Variants in MVD observed in about 807,000 individuals in gnomAD.
The protein encoded by MVD is diphosphomevalonate decarboxylase.
A neutral mutation model predicts 42.4 loss-of-function variants in MVD; 52 were observed. The observed-to-expected ratio is 1.23, with a 90% CI of 0.98 to 1.55. The LOEUF (loss-of-function observed/expected upper bound fraction) is 1.55, where lower values mean the gene tolerates loss of function less well. MVD is among the 40% of genes most tolerant of loss of function. The probability of loss-of-function intolerance (pLI) is 0.00; values close to 1 mark genes in which losing one functional copy is unlikely to be tolerated. For missense variants in MVD, 663 were observed against 572.1 expected (o/e 1.16, Z -1.62); for synonymous variants, 287 against 243.2 (o/e 1.18, Z -1.68).
chr16:88,662,970 C>G (rs1388561629), intron 1 of MVD, 41 bp downstream of exon 1: 1 of 1,576,226 alleles, frequency 6.3e-7, no homozygotes. Flanking sequence ...CCCGGCCTCG[C>G]TCCCGGCCAT....
Position 88,652,509 on chromosome 16 carries a change from G to A in MVD, c.*16C>T. ...CCACCCCTTCTCCAAGCGGCATGCG[G>A]TCCCTGCTGAGGCAGTCAGGCAGCT... On this transcript the variant is annotated 3_prime_UTR_variant, in exon 10 of 10. Transcript: ENST00000301012. 1 of 1,560,314 alleles carries A rather than the reference G, an allele frequency of 6.4e-7. No individual in the cohort carries two copies. Among genetic ancestry groups the A allele is most frequent in the Non-Finnish European group, 8.7e-7 (1 of 1,152,162 alleles).
intron 1 of MVD, among the ~76,000 whole-genome samples, chr16:88,660,200 G>A (rs541365570): frequency 4.6e-5 from 7 of 152,224 alleles, no homozygotes; most frequent in African/African-American, 9.6e-5. Context: ...ATGGGACAGC[G>A]TTGGTGGGGA....
At chr16:88,658,767 C>CCCCCCCCCATT in intron 1 of MVD, 47 bp from the exon 2 acceptor site, 1 of 1,491,542 alleles carries the variant, frequency 6.7e-7, no homozygotes. Flanking sequence ...CCGGCCCACC[C>CCCCCCCCCATT]TCCCCCAGTG....
chr16:88,656,969 C>T (rs945020414), intron 4 of MVD: 18 of 344,782 alleles, frequency 5.2e-5, no homozygotes, highest in African/African-American at 1.7e-4. Context: ...CTGGGTCCAG[C>T]GGGGCCTGCA....
At chr16:88,657,812 C>T (rs1010938859) in intron 3 of MVD, 103 bp downstream of exon 3, 2 of 1,352,520 alleles carry the variant, frequency 1.5e-6, no homozygotes, top group African/African-American at 2.9e-5. Flanking sequence ...TCCCAGCCAC[C>T]CCGCCTGCTG....
Position 88,652,122 on chromosome 16 carries a change from C to T in MVD, c.*403G>A, listed in dbSNP as rs570587267. On this transcript the variant is annotated 3_prime_UTR_variant, in exon 10 of 10. Transcript: ENST00000301012. ...GAGGCACTTGGTGGTTTCCTGAGGC[C>T]CAAGGAGGCTGCTCCCAGCACGGTG... 4 of 272,386 alleles carry T rather than the reference C, an allele frequency of 1.5e-5. No homozygotes were observed. Among genetic ancestry groups the T allele is most frequent in the African/African-American group, 9.2e-5 (4 of 43,492 alleles). The allele number at this position is 272,386 out of a possible 1,614,324, so 16.9% of individuals were successfully genotyped here.
Position 88,652,622 on chromosome 16 carries a change from A to G in MVD, c.1123-17T>C. The G allele has an allele frequency of 6.5e-7, 1 of 1,549,422 alleles. No homozygotes were observed. Among genetic ancestry groups the G allele is most frequent in the Non-Finnish European group, 8.7e-7 (1 of 1,145,438 alleles). ...TGGCCCCACCTGGGGATAGAAATCCATGTCAGGTCACCAGGAATGGCAGCG... is the reference window on the plus strand; with the variant it reads ...TGGCCCCACCTGGGGATAGAAATCCGTGTCAGGTCACCAGGAATGGCAGCG... On this transcript the variant is annotated splice_polypyrimidine_tract_variant and intron_variant, in intron 9 of 9. Transcript: ENST00000301012.
intron 1 of MVD, 55 bp from the exon 2 acceptor site, chr16:88,658,775 G>T (rs1225290086): frequency 9.6e-7 from 1 of 1,040,208 alleles, no homozygotes; most frequent in Non-Finnish European, 1.2e-6. Context: ...CCCTCCCCCA[G>T]TGTTCCCCAC....
Position 88,653,326 on chromosome 16 carries a change from C to T in MVD, c.1096G>A (p.Gly366Arg). ...TGAGTGACAATGATGTATTTGACCC[C>T]ACCGGGGGTCGGCTCCATGGCCAGC... Reference protein sequence around the residue: ...AALAMEPTPGGVKYIIVTQVG... With the variant: ...AALAMEPTPGRVKYIIVTQVG... Residue 366 changes from glycine (G) to arginine (R), a missense_variant, in exon 9 of 10, where the codon GGG becomes AGG. Transcript: ENST00000301012. 1 of 1,600,792 alleles carries T rather than the reference C, an allele frequency of 6.2e-7. No homozygotes were observed. Among genetic ancestry groups the T allele is most frequent in the Non-Finnish European group, 8.5e-7 (1 of 1,176,504 alleles).
In MVD at chr16:88,653,329, C is replaced by CGG. The variant is rs1567613051; in HGVS notation, c.1091_1092dup (p.Gly365ProfsTer122). On this transcript the variant is annotated frameshift_variant, in exon 9 of 10. Coordinates refer to ENST00000301012, the MANE Select transcript of MVD (RefSeq NM_002461.3). ...GTGACAATGATGTATTTGACCCCAC[C>CGG]GGGGGTCGGCTCCATGGCCAGCGCA... 1.4e-5 allele frequency: 23 copies of CGG among 1,600,646 alleles called. No individual in the cohort carries two copies. Among genetic ancestry groups the CGG allele is most frequent in the Non-Finnish European group, 2.0e-5 (23 of 1,176,528 alleles).
At chr16:88,658,838 A>C in intron 1 of MVD, 118 bp from the exon 2 acceptor site, 4 of 699,922 alleles carry the variant, frequency 5.7e-6, no homozygotes, top group Non-Finnish European at 6.9e-6. Context: ...CCCGTCTCTC[A>C]CCGCACAACC....
chr16:88,659,269 T>C (rs563060237), intron 1 of MVD: 30 of 172,918 alleles, frequency 1.7e-4, no homozygotes, highest in Non-Finnish European at 3.4e-4. Context: ...CTGCTCGGTT[T>C]TGTGCGAGGG....
rs1350520283 is a variant in MVD, at chr16:88,655,636, C to A, written c.678+20G>T. 1 of 1,548,592 alleles carries A rather than the reference C, an allele frequency of 6.5e-7. No homozygotes were observed. Among genetic ancestry groups the A allele is most frequent in the Non-Finnish European group, 8.7e-7 (1 of 1,146,930 alleles). On this transcript the variant is annotated intron_variant, in intron 6 of 9. Transcript: ENST00000301012. ...AAGCGTGACTCCCAGGGCCCCGGGA[C>A]CACCCGCTCCTGGCCTTACCCGAAG...
At chr16:88,662,168 C>T (rs901125606) in intron 1 of MVD, 7 of 152,076 alleles carry the variant, frequency 4.6e-5, no homozygotes, top group Admixed American at 3.9e-4. Context: ...GTGGCGGCTT[C>T]TGGAAAGAAA....
intron 8 of MVD, among the ~76,000 whole-genome samples, chr16:88,654,174 G>C (rs1022258990): frequency 6.6e-6 from 1 of 151,852 alleles, no homozygotes; most frequent in African/African-American, 2.4e-5. Context: ...GCTGTGCACC[G>C]AGGAGGGCGT....
chr16:88,659,002 T>A, intron 1 of MVD: 1 of 434,526 alleles, frequency 2.3e-6, no homozygotes, highest in Non-Finnish European at 4.3e-6. Context: ...AGTGCCCAGG[T>A]GCGGATCGCT....
chr16:88,654,929 AC>A, intron 7 of MVD, 122 bp from the exon 8 acceptor site: 1 of 1,009,084 alleles, frequency 9.9e-7, no homozygotes, highest in Non-Finnish European at 1.4e-6. Flanking sequence ...TCAGGGCCAC[AC>A]TGGAGTGGAG....
intron 4 of MVD, chr16:88,656,548 G>A: frequency 1.7e-6 from 1 of 580,360 alleles, no homozygotes; most frequent in Non-Finnish European, 3.1e-6. Flanking sequence ...CGCGACAAGG[G>A]CAACAAAAGG....
Position 88,655,289 on chromosome 16 carries a change from G to A in MVD, c.807C>T (p.Asp269=), listed in dbSNP as rs750296024. 4.4e-6 allele frequency: 7 copies of A among 1,592,944 alleles called. No individual in the cohort carries two copies. Among genetic ancestry groups the A allele is most frequent in the Non-Finnish European group, 4.3e-6 (5 of 1,170,066 alleles). Residue 269 remains aspartate (D), a synonymous_variant, in exon 7 of 10, where the codon GAC becomes GAT. Transcript: ENST00000301012. ...DSNQFHATCL[D]TFPPISYLNA... is the part of the protein sequence containing the mutation. The stretch of plus-strand genomic sequence containing the variant: ...TGAGGTAAGAGATGGGCGGGAAGGT[G>A]TCGAGGCAGGTGGCGTGGAACTGGT...
Sources: allele counts gnomAD v4.1 joint callset (sites outside exome capture counted in the v4.1 genomes callset), GRCh38; gene constraint gnomAD v4.1.1; transcripts MANE v1.5; gene names NCBI Gene and HGNC (gene_info 2026-07-23, HGNC 2026-07-21).